RAB11FIP4: variants seen among roughly 807,000 people sequenced by gnomAD.
The protein encoded by RAB11FIP4 is rab11 family-interacting protein 4.
Under a neutral mutation model 74.3 loss-of-function variants are expected in RAB11FIP4, and 23 were observed. That is an observed-to-expected ratio of 0.31 (90% CI 0.22 to 0.44). The LOEUF (loss-of-function observed/expected upper bound fraction) is 0.44, where lower values mean the gene tolerates loss of function less well. Among genes scored for constraint, RAB11FIP4 ranks in the 20% least tolerant of loss-of-function variants. The pLI is 1.00. For synonymous variants in RAB11FIP4, 360 were observed against 359.9 expected, an observed-to-expected ratio of 1.00 and a Z score of 0.00; for missense variants, 630 against 863.9, an observed-to-expected ratio of 0.73 and a Z score of 3.39.
chr17:31,515,757 C>T (rs112643333), intron 3 of RAB11FIP4, among the ~76,000 whole-genome samples: 1,714 of 152,298 alleles, frequency 0.011, 13 homozygotes, highest in Non-Finnish European at 0.014. Context: ...CAGGTAGAAG[C>T]GGTGCCACCT....
In RAB11FIP4 at chr17:31,531,600, T is replaced by A. The variant is rs2072872449; in HGVS notation, c.1798-16T>A. On this transcript the variant is annotated splice_polypyrimidine_tract_variant and intron_variant, in intron 14 of 14. Coordinates refer to ENST00000621161, the MANE Select transcript of RAB11FIP4 (RefSeq NM_032932.6). ...CCCAGGCCCAGCCACTGACCCGTCT[T>A]TCCCATTTCCTTCAGCTAATGGAAG... 1 of 1,580,894 alleles carries A rather than the reference T, an allele frequency of 6.3e-7. No individual in the cohort carries two copies. The highest frequency in any genetic ancestry group is 1.1e-5 in the South Asian group (1 of 90,360).
At chr17:31,474,871 AAAAC>A (rs200777210) in intron 3 of RAB11FIP4, among the ~76,000 whole-genome samples, 5 of 114,788 alleles carry the variant, frequency 4.4e-5, no homozygotes, top group African/African-American at 1.3e-4. Context: ...AAAACAAAAC[AAAAC>A]AAAAAACAAA....
chr17:31,422,539 T>G (rs1453223573), intron 1 of RAB11FIP4, among the ~76,000 whole-genome samples: 1 of 152,214 alleles, frequency 6.6e-6, no homozygotes, highest in Non-Finnish European at 1.5e-5. Flanking sequence ...TAGGGACATA[T>G]GCATTTAGGA....
chr17:31,487,056 C>A (rs2071911573), intron 3 of RAB11FIP4, among the ~76,000 whole-genome samples: 1 of 152,168 alleles, frequency 6.6e-6, no homozygotes, highest in African/African-American at 2.4e-5. Context: ...CCTGCCCGTA[C>A]CAAAGTGCCG....
At chr17:31,469,071 A>T (rs954042054) in intron 3 of RAB11FIP4, among the ~76,000 whole-genome samples, 5 of 152,176 alleles carry the variant, frequency 3.3e-5, no homozygotes, top group Non-Finnish European at 5.9e-5. Flanking sequence ...ATTGGCTTTC[A>T]TTCTTATTGC....
intron 5 of RAB11FIP4, 82 bp downstream of exon 5, chr17:31,521,442 G>C (rs8066569): frequency 0.19 from 245,052 of 1,273,120 alleles, 24,764 homozygotes; most frequent in Middle Eastern, 0.22. Flanking sequence ...GGGGGGGTGC[G>C]AGTCCTGAGC....
chr17:31,422,620 G>T (rs2071210593), intron 1 of RAB11FIP4, among the ~76,000 whole-genome samples: 1 of 151,894 alleles, frequency 6.6e-6, no homozygotes, highest in South Asian at 2.1e-4. Flanking sequence ...AATTTTCCTT[G>T]TTTGGATTAG....
chr17:31,485,423 C>T (rs994886688), intron 3 of RAB11FIP4, among the ~76,000 whole-genome samples: 4 of 152,172 alleles, frequency 2.6e-5, no homozygotes, highest in African/African-American at 9.7e-5. Flanking sequence ...ACAGGCCTGA[C>T]TTTCTCCATT....
intron 3 of RAB11FIP4, among the ~76,000 whole-genome samples, chr17:31,482,785 G>A (rs1282813796): frequency 6.6e-6 from 1 of 152,074 alleles, no homozygotes; most frequent in East Asian, 1.9e-4. Flanking sequence ...TGAACTTCCT[G>A]AGCGTGGAGT....
chr17:31,511,380 T>G (rs1451650868), intron 3 of RAB11FIP4, among the ~76,000 whole-genome samples: 1 of 152,148 alleles, frequency 6.6e-6, no homozygotes, highest in East Asian at 1.9e-4. Context: ...GCCCAGAAAT[T>G]AAACAGCTGA....
intron 1 of RAB11FIP4, among the ~76,000 whole-genome samples, chr17:31,417,081 C>T (rs956351108): frequency 6.6e-6 from 1 of 151,686 alleles, no homozygotes; most frequent in African/African-American, 2.4e-5. Flanking sequence ...CCCTCTCCCT[C>T]TCCTGTTCCC....
chr17:31,530,954 C>T (rs561973179), intron 14 of RAB11FIP4: 63 of 160,460 alleles, frequency 3.9e-4, no homozygotes, highest in Non-Finnish European at 7.3e-4. Flanking sequence ...GGAGAGGGAC[C>T]CAGCTCTCTC....
At chr17:31,530,181 T>C (rs994949028) in intron 13 of RAB11FIP4, 145 bp from the exon 14 acceptor site, 6 of 1,075,644 alleles carry the variant, frequency 5.6e-6, no homozygotes, top group Non-Finnish European at 8.2e-6. Context: ...GGCTGCAACA[T>C]CTATGGCCCC....
chr17:31,392,055 A>G, intron 1 of RAB11FIP4, 44 bp downstream of exon 1: 2 of 1,088,382 alleles, frequency 1.8e-6, no homozygotes, highest in Non-Finnish European at 1.1e-6. Context: ...ACCCCAGCCC[A>G]GCCCCGCCGC....
Position 31,537,327 on chromosome 17 carries a change from C to T in RAB11FIP4, c.*5595C>T, listed in dbSNP as rs894133164. ...GATCAGGCCCCACTTACCCTTGGCT[C>T]GCTCAGCCTGTAGACTTGGTAACTT... On this transcript the variant is annotated 3_prime_UTR_variant, in exon 15 of 15. Transcript: ENST00000621161. The T allele has an allele frequency of 2.3e-5, 9 of 398,040 alleles. No individual in the cohort carries two copies. The highest frequency in any genetic ancestry group is 4.1e-5 in the African/African-American group (2 of 48,624). 24.7% of individuals were successfully genotyped at this position (398,040 alleles called of 1,614,324 possible).
At chr17:31,399,193 G>A (rs570329978) in intron 1 of RAB11FIP4, among the ~76,000 whole-genome samples, 2 of 152,300 alleles carry the variant, frequency 1.3e-5, no homozygotes, top group African/African-American at 4.8e-5. Flanking sequence ...CAGTGCAGAA[G>A]GGGAACCTGA....
intron 3 of RAB11FIP4, among the ~76,000 whole-genome samples, chr17:31,484,070 T>C (rs1196219784): frequency 9.0e-6 from 1 of 111,154 alleles, no homozygotes; most frequent in African/African-American, 4.0e-5. Flanking sequence ...CAAGATCTTA[T>C]CTTTTTTTTT....
chr17:31,451,561 C>T (rs115023486), intron 3 of RAB11FIP4, among the ~76,000 whole-genome samples: 3,032 of 152,168 alleles, frequency 0.02, 119 homozygotes, highest in African/African-American at 0.068. Context: ...ACTGTGGCCT[C>T]GAAGGTTTCA....
At position 31,535,382 on chromosome 17, in the gene RAB11FIP4, C is replaced by A. The variant is rs1480976745; in HGVS notation, c.*3650C>A. The A allele has an allele frequency of 6.6e-6, 1 of 152,028 alleles. No homozygotes were observed. The highest frequency in any genetic ancestry group is 1.5e-5 in the Non-Finnish European group (1 of 68,054). The allele number at this position is 152,028 out of a possible 1,614,324, so 9.4% of individuals were successfully genotyped here. ...GTAAGCTTCTGCTGTCTGGGCTGAACCCCCAGAGGTTCGGATTGAATTGGT... is the reference window on the plus strand; with the variant it reads ...GTAAGCTTCTGCTGTCTGGGCTGAAACCCCAGAGGTTCGGATTGAATTGGT... On this transcript the variant is annotated 3_prime_UTR_variant, in exon 15 of 15. Transcript: ENST00000621161.
Sources: allele counts gnomAD v4.1 joint callset (sites outside exome capture counted in the v4.1 genomes callset), GRCh38; gene constraint gnomAD v4.1.1; transcripts MANE v1.5; gene names NCBI Gene and HGNC (gene_info 2026-07-23, HGNC 2026-07-21).